The following SARNP variants were observed in gnomAD, a reference collection of about 807,000 sequenced individuals.
SARNP encodes the protein SAP domain-containing ribonucleoprotein.
In SARNP, 5 loss-of-function variants were observed where a neutral mutation model predicts 38.1. That is an observed-to-expected ratio of 0.13 (90% CI 0.07 to 0.28). The LOEUF is 0.28. Ranked by LOEUF, SARNP falls within the 10% of genes least tolerant of loss-of-function variation. SARNP has a pLI of 1.00. For synonymous variants in SARNP, 84 were observed against 80.6 expected (o/e 1.04, Z -0.23); for missense variants, 180 against 243.9 (o/e 0.74, Z 1.75).
Position 55,770,394 on chromosome 12 carries a change from GT to G in SARNP, c.502-9755del, listed in dbSNP as rs1157595075. Among the ~76,000 whole-genome samples the G allele has an allele frequency of 4.8e-3, 634 of 133,280 alleles. 2 individuals are homozygous for G. Among genetic ancestry groups the G allele is most frequent in the South Asian group, 9.9e-3 (41 of 4,128 alleles). 87.4% of individuals were successfully genotyped at this position (133,280 alleles called of 152,430 possible). ...GGCGCCCACCACCACGCCCAGCTAG[GT>G]TTTTTTTTTTTTTTTCCGTATTTTT... On this transcript the variant is annotated intron_variant, in intron 9 of 10. Transcript: ENST00000336133.
intron 1 of SARNP, among the ~76,000 whole-genome samples, chr12:55,814,157 G>A (rs1203492338): frequency 6.6e-6 from 1 of 152,094 alleles, no homozygotes; most frequent in Non-Finnish European, 1.5e-5. Context: ...GTTTTAAGCA[G>A]GGGAATGACT....
Position 55,775,537 on chromosome 12 carries a change from AAAAACAAAAAAC to A in SARNP, c.501+13526_501+13537del, listed in dbSNP as rs1565673924. On this transcript the variant is annotated intron_variant, in intron 9 of 10. Coordinates refer to ENST00000336133, the MANE Select transcript of SARNP (RefSeq NM_033082.4). Reference sequence around the variant, plus strand: ...GGATCGCGCTCTGTCTCAAAAAAAAAAAAACAAAAAACAAAAACAAAAAAAAAAAACTATGAA... The same window carrying A: ...GGATCGCGCTCTGTCTCAAAAAAAAAAAAAACAAAAAAAAAAAACTATGAA... Among the ~76,000 whole-genome samples the A allele has an allele frequency of 9.6e-5, 14 of 146,320 alleles. 1 individual carries two copies. The highest frequency in any genetic ancestry group is 3.7e-4 in the African/African-American group (14 of 37,782).
At chr12:55,780,950 C>T (rs374918195) in intron 9 of SARNP, among the ~76,000 whole-genome samples, 12 of 152,314 alleles carry the variant, frequency 7.9e-5, no homozygotes, top group East Asian at 3.9e-4. Context: ...ACTGAAACAA[C>T]GGAAAGCACA....
At chr12:55,806,330 A>C (rs1039021689) in intron 1 of SARNP, among the ~76,000 whole-genome samples, 1 of 150,706 alleles carries the variant, frequency 6.6e-6, no homozygotes, top group African/African-American at 2.4e-5. Context: ...GCTGGAGTAC[A>C]GTGGCATGAT....
At chr12:55,784,353 C>T (rs1366267039) in intron 9 of SARNP, among the ~76,000 whole-genome samples, 2 of 152,266 alleles carry the variant, frequency 1.3e-5, no homozygotes, top group East Asian at 3.9e-4. Context: ...CTAACCTCTG[C>T]CAACCAACCA....
intron 10 of SARNP, among the ~76,000 whole-genome samples, chr12:55,757,880 G>C (rs556097818): frequency 6.6e-6 from 1 of 152,254 alleles, no homozygotes; most frequent in African/African-American, 2.4e-5. Flanking sequence ...AGCTAGCCTG[G>C]AAACAATGGG....
downstream of SARNP, chr12:55,755,522 C>G (rs2136172310): frequency 6.6e-6 from 1 of 152,260 alleles, no homozygotes. Flanking sequence ...GATGCTGGAT[C>G]AACTATAGTA....
chr12:55,800,612 G>T lies in SARNP; in HGVS notation c.201C>A (p.Pro67=), dbSNP rs1292346208. 1.2e-6 allele frequency: 2 copies of T among 1,611,688 alleles called. No homozygotes were observed. Among genetic ancestry groups the T allele is most frequent in the South Asian group, 1.1e-5 (1 of 90,680 alleles). Reference sequence around the variant, plus strand: ...CTTCCTCTTTGACAGGGAGCTCAATGGGCTTTGTTTCTTCTTCCTAAAACC... The same window carrying T: ...CTTCCTCTTTGACAGGGAGCTCAATTGGCTTTGTTTCTTCTTCCTAAAACC... ...GDETEEEETK[P]IELPVKEEEP... is the part of the protein sequence containing the mutation. Residue 67 remains proline (P), a synonymous_variant, in exon 4 of 11, where the codon CCC becomes CCA. Transcript: ENST00000336133.
Position 55,757,306 on chromosome 12 carries a change from A to C in SARNP, c.*206T>G. 4.9e-6 allele frequency: 2 copies of C among 410,916 alleles called. No individual in the cohort carries two copies. The highest frequency in any genetic ancestry group is 8.7e-6 in the Non-Finnish European group (2 of 229,644). 25.5% of individuals were successfully genotyped at this position (410,916 alleles called of 1,614,324 possible). ...ATTTTTTTTTATTAACAAGCAACAT[A>C]ATCAAAAACAAAAACACAACAACCT... On this transcript the variant is annotated 3_prime_UTR_variant, in exon 11 of 11. Transcript: ENST00000336133.
chr12:55,798,857 A>G (rs1298717145), intron 4 of SARNP, among the ~76,000 whole-genome samples: 1 of 152,232 alleles, frequency 6.6e-6, no homozygotes, highest in Non-Finnish European at 1.5e-5. Flanking sequence ...GCTAAACAAA[A>G]AGAGACCACT....
intron 1 of SARNP, among the ~76,000 whole-genome samples, chr12:55,814,926 C>T (rs1880437505): frequency 6.6e-6 from 1 of 152,056 alleles, no homozygotes; most frequent in South Asian, 2.1e-4. Context: ...CAGAAATTTG[C>T]TGTTGATATG....
chr12:55,817,430 AC>A (rs1303065702), intron 1 of SARNP, among the ~76,000 whole-genome samples: 1 of 152,232 alleles, frequency 6.6e-6, no homozygotes, highest in Non-Finnish European at 1.5e-5. Flanking sequence ...AGGGTGACGG[AC>A]GATACAATGA....
At chr12:55,786,703 C>A (rs535509674) in intron 9 of SARNP, among the ~76,000 whole-genome samples, 2 of 152,258 alleles carry the variant, frequency 1.3e-5, no homozygotes, top group South Asian at 2.1e-4. Context: ...CCCGCCTCAG[C>A]CTCCCAAAGT....
intron 9 of SARNP, among the ~76,000 whole-genome samples, chr12:55,772,808 G>A (rs967010019): frequency 6.8e-6 from 1 of 147,994 alleles, no homozygotes. Context: ...TTCACCTCCC[G>A]GGTTCAAGTG....
intron 9 of SARNP, among the ~76,000 whole-genome samples, chr12:55,771,701 C>T (rs2136183706): frequency 6.6e-6 from 1 of 152,224 alleles, no homozygotes; most frequent in African/African-American, 2.4e-5. Flanking sequence ...AAATAACTGC[C>T]CCCCTTTGTA....
chr12:55,780,820 G>A (rs950368635), intron 9 of SARNP, among the ~76,000 whole-genome samples: 3 of 152,212 alleles, frequency 2.0e-5, no homozygotes, highest in East Asian at 3.8e-4. Flanking sequence ...TCACATACCC[G>A]AGCAGAACAG....
chr12:55,800,505 T>C, intron 4 of SARNP, 57 bp downstream of exon 4: 3 of 1,159,930 alleles, frequency 2.6e-6, no homozygotes, highest in Non-Finnish European at 2.5e-6. Flanking sequence ...AAACATTAAA[T>C]ACATTAAGAA....
chr12:55,801,172 T>C (rs952298421), intron 2 of SARNP, among the ~76,000 whole-genome samples: 2 of 152,216 alleles, frequency 1.3e-5, no homozygotes, highest in Non-Finnish European at 2.9e-5. Flanking sequence ...CCAGGCACCG[T>C]GGCTCTCTGT....
chr12:55,781,338 A>T (rs1333746747), intron 9 of SARNP, among the ~76,000 whole-genome samples: 1 of 152,078 alleles, frequency 6.6e-6, no homozygotes, highest in Non-Finnish European at 1.5e-5. Flanking sequence ...GTTCGAGACC[A>T]GCCTGGTCAA....
Sources: gnomAD v4.1 joint callset for allele counts (sites outside exome capture counted in the v4.1 genomes callset) on GRCh38, gnomAD v4.1.1 for gene constraint, MANE v1.5 for transcripts, NCBI Gene and HGNC (gene_info 2026-07-23, HGNC 2026-07-21) for gene names.